The following LSP1 variants were observed in gnomAD, a reference collection of about 807,000 sequenced individuals.
The protein encoded by LSP1 is lymphocyte specific protein 1.
LSP1 carries 32 observed loss-of-function variants against 49.3 expected under a neutral mutation model. That is an observed-to-expected ratio of 0.65 (90% CI 0.49 to 0.87). LSP1 has a LOEUF of 0.87. LSP1 is among the 40% of genes least tolerant of loss of function. The probability of loss-of-function intolerance (pLI) is 0.00; values close to 1 mark genes in which losing one functional copy is unlikely to be tolerated. For missense variants in LSP1, 428 were observed against 442.6 expected (o/e 0.97, Z 0.30); for synonymous variants, 179 against 178.8 (o/e 1.00, Z -0.01).
intron 3 of LSP1, among the ~76,000 whole-genome samples, chr11:1,882,008 G>A (rs936550275): frequency 1.6e-4 from 25 of 152,326 alleles, no homozygotes; most frequent in Middle Eastern, 3.4e-3. Flanking sequence ...AGAGCCCGCC[G>A]CCGCCCCTTC....
chr11:1,875,331 A>G (rs535903772), intron 1 of LSP1, among the ~76,000 whole-genome samples: 1 of 152,276 alleles, frequency 6.6e-6, no homozygotes, highest in African/African-American at 2.4e-5. Flanking sequence ...AGAGGCCCAG[A>G]AGGACCTGGG....
chr11:1,856,475 T>C (rs1301388282), intron 1 of LSP1, among the ~76,000 whole-genome samples: 1 of 152,236 alleles, frequency 6.6e-6, no homozygotes. Context: ...GGGAGGCCGC[T>C]GCCCAGGGCT....
In LSP1 at chr11:1,884,784, C is replaced by G. The variant is rs1333929396; in HGVS notation, c.717+203C>G. On this transcript the variant is annotated intron_variant, in intron 7 of 10. Transcript: ENST00000311604. This position sits in a 1 kb window ranked among gnomAD's most constrained non-coding sequence, Gnocchi z 4.1. ...AATGTCACTCCATGTAATCAATGCC[C>G]CCCCTTTCAATCAATGCTACTCCAT... is the stretch of plus-strand genomic sequence containing the variant. 6.6e-6 allele frequency among the ~76,000 whole-genome samples: 1 copy of G among 151,606 alleles called. No homozygotes were observed. Among genetic ancestry groups the G allele is most frequent in the Non-Finnish European group, 1.5e-5 (1 of 67,928 alleles).
intron 1 of LSP1, among the ~76,000 whole-genome samples, chr11:1,877,415 A>G (rs1848357477): frequency 6.6e-6 from 1 of 152,040 alleles, no homozygotes; most frequent in Non-Finnish European, 1.5e-5. Context: ...ACACCAGGAG[A>G]TGCTTACTCT....
intron 1 of LSP1, among the ~76,000 whole-genome samples, chr11:1,858,457 C>T (rs1292977008): frequency 6.6e-6 from 1 of 152,246 alleles, no homozygotes; most frequent in Non-Finnish European, 1.5e-5. Flanking sequence ...CTCCACTTCC[C>T]TCCAGCCCAG....
At position 1,884,321 on chromosome 11, in the gene LSP1, G is replaced by A; in HGVS notation, c.633G>A (p.Lys211=). 3 of 1,614,116 alleles carry A rather than the reference G, an allele frequency of 1.9e-6. No homozygotes were observed. Among genetic ancestry groups the A allele is most frequent in the Non-Finnish European group, 8.5e-7 (1 of 1,179,994 alleles). The change falls in exon 6 of 11, where the codon AAG becomes AAA. Residue 211 remains lysine (K), a splice_region_variant and synonymous_variant. Coordinates refer to ENST00000311604, the MANE Select transcript of LSP1 (RefSeq NM_002339.3). The surrounding 1 kb of genome is among the most constrained non-coding windows in gnomAD (Gnocchi z 4.1). Reference sequence around the variant, plus strand: ...AGTCCCTAAACCGCTCCATAGAGAAGAGGTCTGTCTGTCTGTCTGTCTGCT... The same window carrying A: ...AGTCCCTAAACCGCTCCATAGAGAAAAGGTCTGTCTGTCTGTCTGTCTGCT... ...RTESLNRSIE[K]SNSVKKSQPD...
At chr11:1,889,560 G>A (rs1279970444) in intron 10 of LSP1, 24 of 612,828 alleles carry the variant, frequency 3.9e-5, no homozygotes, top group African/African-American at 2.1e-4. Context: ...CTTGAGCCAC[G>A]TCCAGCCACT....
At chr11:1,874,383 G>A (rs981231686) in intron 1 of LSP1, among the ~76,000 whole-genome samples, 2 of 151,924 alleles carry the variant, frequency 1.3e-5, no homozygotes, top group Admixed American at 6.5e-5. Context: ...CTGGTCTCCC[G>A]ACACCCCTTC....
chr11:1,870,276 T>G (rs1847943257), intron 1 of LSP1: 1 of 1,303,030 alleles, frequency 7.7e-7, no homozygotes, highest in South Asian at 1.2e-5. Flanking sequence ...AAGCTGAGGC[T>G]CAGGGAGGCA....
rs369841686 is a variant in LSP1, at chr11:1,853,096, C to G, written c.-49C>G. ...AGCACTGAAAGCCACAGCACGTACA[C>G]CCACTCCAGGGATCTGCCAGCACCC... On this transcript the variant is annotated 5_prime_UTR_variant, in exon 1 of 11. Transcript: ENST00000311604. 345 of 1,582,784 alleles carry G rather than the reference C, an allele frequency of 2.2e-4. No homozygotes were observed. Among genetic ancestry groups the G allele is most frequent in the Admixed American group, 5.9e-4 (32 of 54,364 alleles).
At chr11:1,858,714 C>T (rs11041501) in intron 1 of LSP1, among the ~76,000 whole-genome samples, 36,519 of 152,118 alleles carry the variant, frequency 0.24, 4,628 homozygotes, top group East Asian at 0.45. Context: ...TCTCTACAGC[C>T]GGCCCAGCCC....
chr11:1,881,733 C>T (rs1285848331), intron 3 of LSP1, 137 bp downstream of exon 3: 1 of 869,216 alleles, frequency 1.2e-6, no homozygotes, highest in African/African-American at 1.8e-5. Flanking sequence ...CGCGGAGCTC[C>T]CTTCAGGCCC....
intron 1 of LSP1, chr11:1,864,211 G>A: frequency 8.1e-6 from 8 of 987,228 alleles, no homozygotes; most frequent in Non-Finnish European, 9.6e-6. Context: ...AGGAACCAGC[G>A]AAGGGTCCAG....
At chr11:1,877,148 C>G (rs892322387) in intron 1 of LSP1, among the ~76,000 whole-genome samples, 2 of 152,160 alleles carry the variant, frequency 1.3e-5, no homozygotes, top group Non-Finnish European at 2.9e-5. Context: ...GGCCGCTGGC[C>G]GGGGGGCGCC....
chr11:1,889,411 C>A (rs1011746423), intron 10 of LSP1: 1 of 682,110 alleles, frequency 1.5e-6, no homozygotes, highest in Middle Eastern at 2.4e-4. Context: ...GAGGCGGGGG[C>A]CCGGGGTGCG....
intron 1 of LSP1, among the ~76,000 whole-genome samples, chr11:1,875,341 G>T (rs1848263560): frequency 6.6e-6 from 1 of 152,220 alleles, no homozygotes; most frequent in African/African-American, 2.4e-5. Context: ...AAGGACCTGG[G>T]TGTGGGGATC....
At position 1,884,518 on chromosome 11, in the gene LSP1, C is replaced by T; in HGVS notation, c.654C>T (p.Ser218=). The T allele has an allele frequency of 6.2e-7, 1 of 1,613,806 alleles. No individual in the cohort carries two copies. The highest frequency in any genetic ancestry group is 8.5e-7 in the Non-Finnish European group (1 of 1,179,898). The part of the protein sequence containing the change: ...SIEKSNSVKK[S]QPDLPISKID... ...CCTCCAGTAACAGTGTGAAGAAATC[C>T]CAGCCAGACTTGCCCATCTCCAAGA... Residue 218 remains serine, a synonymous_variant, in exon 7 of 11, where the codon TCC becomes TCT. Coordinates refer to ENST00000311604, the MANE Select transcript of LSP1 (RefSeq NM_002339.3). The surrounding 1 kb of genome is among the most constrained non-coding windows in gnomAD (Gnocchi z 4.1).
At chr11:1,879,564 C>T (rs371918976) in intron 1 of LSP1, among the ~76,000 whole-genome samples, 3 of 152,308 alleles carry the variant, frequency 2.0e-5, no homozygotes, top group African/African-American at 2.4e-5. Context: ...CCTCAGCCTT[C>T]GACCTCCCCT....
At chr11:1,880,315 G>T in intron 2 of LSP1, 91 bp downstream of exon 2, 1 of 1,393,734 alleles carries the variant, frequency 7.2e-7, no homozygotes, top group South Asian at 1.6e-5. Flanking sequence ...GCCTGGGCTT[G>T]GGGGTTCCAG....
Sources: gnomAD v4.1 joint callset for allele counts (sites outside exome capture counted in the v4.1 genomes callset) on GRCh38, gnomAD v4.1.1 for gene constraint, Gnocchi (gnomAD v3.1) non-coding constraint, MANE v1.5 for transcripts, NCBI Gene and HGNC (gene_info 2026-07-23, HGNC 2026-07-21) for gene names.